PDZRN4: variants seen among roughly 807,000 people sequenced by gnomAD.
PDZRN4 encodes the protein PDZ domain-containing RING finger protein 4.
Under a neutral mutation model 99.0 loss-of-function variants are expected in PDZRN4, and 70 were observed. The observed-to-expected ratio is 0.71, with a 90% CI of 0.58 to 0.86. PDZRN4 has a LOEUF of 0.86. PDZRN4 is among the 40% of genes least tolerant of loss of function. The pLI is 0.00. For missense variants in PDZRN4, 1,474 were observed against 1,331.2 expected (o/e 1.11, Z -1.67); for synonymous variants, 551 against 501.6 (o/e 1.10, Z -1.32).
In PDZRN4 at chr12:41,558,190, C is replaced by T. The variant is rs1939201150; in HGVS notation, c.1365+2430C>T. Among the ~76,000 whole-genome samples, 3 of 152,270 alleles carry T rather than the reference C, an allele frequency of 2.0e-5. No individual in the cohort carries two copies. In the South Asian group the frequency reaches 6.2e-4, roughly 32 times the overall value. On this transcript the variant is annotated intron_variant, in intron 7 of 9. Coordinates refer to ENST00000402685, the MANE Select transcript of PDZRN4 (RefSeq NM_001164595.2). Reference sequence around the variant, plus strand: ...TAAAATATACTGAAAATAATGTAATCTTTTGATGCTCAGAGTCACGTTACA... The same window carrying T: ...TAAAATATACTGAAAATAATGTAATTTTTTGATGCTCAGAGTCACGTTACA...
chr12:41,466,740 A>G (rs1462394524), intron 3 of PDZRN4, among the ~76,000 whole-genome samples: 3 of 136,444 alleles, frequency 2.2e-5, no homozygotes, highest in Non-Finnish European at 4.7e-5. Context: ...CAAATCCTTT[A>G]TATTTCCAGT....
At chr12:41,501,512 A>G (rs978788471) in intron 3 of PDZRN4, among the ~76,000 whole-genome samples, 1 of 152,154 alleles carries the variant, frequency 6.6e-6, no homozygotes, top group African/African-American at 2.4e-5. Flanking sequence ...GCTTCATCAA[A>G]TATTACCATG....
rs75948820 is a variant in PDZRN4 at position 41,310,469 on chromosome 12, G to C, written c.843+116281G>C. On this transcript the variant is annotated intron_variant, in intron 3 of 9. Transcript: ENST00000402685. ...CAGTATTAAAGAGCTCTATTCAGTT[G>C]CTCTTAACCCTTCCACACTTGCGAA... is the stretch of plus-strand genomic sequence containing the variant. 4.1e-3 allele frequency among the ~76,000 whole-genome samples: 617 copies of C among 151,700 alleles called. 2 individuals are homozygous for C. Among genetic ancestry groups the C allele is most frequent in the African/African-American group, 0.011 (447 of 41,364 alleles).
rs1388459517 is a variant in PDZRN4 at position 41,506,538 on chromosome 12, A to G, written c.926A>G (p.Gln309Arg). The G allele has an allele frequency of 6.2e-7, 1 of 1,613,826 alleles. No homozygotes were observed. Among genetic ancestry groups the G allele is most frequent in the East Asian group, 2.2e-5 (1 of 44,834 alleles). Residue 309 changes from glutamine to arginine, a missense_variant, in exon 4 of 10, where the codon CAG becomes CGG. Gln to Arg is a conservative substitution (Grantham distance 43). Transcript: ENST00000402685. ...FRNAKEPIVV[Q>R]VLRRTPLSRP... ...AATGCCAAGGAGCCCATTGTGGTGC[A>G]GGTGTTAAGGCGAACACCTCTTAGT... is the stretch of plus-strand genomic sequence containing the variant.
chr12:41,387,971 G>A (rs1327243144), intron 3 of PDZRN4, among the ~76,000 whole-genome samples: 1 of 152,142 alleles, frequency 6.6e-6, no homozygotes, highest in Non-Finnish European at 1.5e-5. Context: ...ATAGATGCAT[G>A]CATATGTTCC....
chr12:41,532,765 G>C (rs1673700040), intron 5 of PDZRN4, among the ~76,000 whole-genome samples: 1 of 152,030 alleles, frequency 6.6e-6, no homozygotes, highest in Non-Finnish European at 1.5e-5. Flanking sequence ...TATATAAAAA[G>C]GGAATATTTA....
intron 3 of PDZRN4, among the ~76,000 whole-genome samples, chr12:41,288,892 A>G (rs12320153): frequency 0.056 from 8,585 of 152,182 alleles, 267 homozygotes; most frequent in Non-Finnish European, 0.062. Flanking sequence ...CAGCAGGCAT[A>G]ATGGTTTATA....
intron 3 of PDZRN4, among the ~76,000 whole-genome samples, chr12:41,202,808 C>T (rs1467879735): frequency 6.6e-6 from 1 of 151,894 alleles, no homozygotes; most frequent in Non-Finnish European, 1.5e-5. Flanking sequence ...ATTGACTATG[C>T]TGCTTAGATA....
intron 3 of PDZRN4, among the ~76,000 whole-genome samples, chr12:41,217,944 C>T (rs1003355295): frequency 6.6e-6 from 1 of 152,028 alleles, no homozygotes; most frequent in Admixed American, 6.6e-5. Context: ...CTGCCTTCCC[C>T]ACCAAAATGG....
At chr12:41,202,084 G>A (rs1016053516) in intron 3 of PDZRN4, among the ~76,000 whole-genome samples, 2 of 152,130 alleles carry the variant, frequency 1.3e-5, no homozygotes, top group Admixed American at 1.3e-4. Context: ...ATTGATTGCA[G>A]AGGAACTAAA....
At chr12:41,382,207 A>G (rs1368800784) in intron 3 of PDZRN4, among the ~76,000 whole-genome samples, 1 of 152,176 alleles carries the variant, frequency 6.6e-6, no homozygotes, top group Non-Finnish European at 1.5e-5. Context: ...TGTGCTCCCC[A>G]GCCAAGTAGT....
At chr12:41,435,341 G>T (rs183658575) in intron 3 of PDZRN4, among the ~76,000 whole-genome samples, 154 of 152,256 alleles carry the variant, frequency 1.0e-3, no homozygotes, top group African/African-American at 3.6e-3. Flanking sequence ...GCTCCAATAA[G>T]AAGCAGTTTT....
intron 3 of PDZRN4, among the ~76,000 whole-genome samples, chr12:41,386,489 G>A (rs985161397): frequency 2.0e-5 from 3 of 152,062 alleles, no homozygotes; most frequent in African/African-American, 7.2e-5. Context: ...CAAACAAATT[G>A]AAAAACATTC....
At chr12:41,474,734 G>A (rs536993035) in intron 3 of PDZRN4, among the ~76,000 whole-genome samples, 1 of 152,134 alleles carries the variant, frequency 6.6e-6, no homozygotes, top group Non-Finnish European at 1.5e-5. Context: ...AGATGACTGA[G>A]GCCTGGATTA....
intron 3 of PDZRN4, among the ~76,000 whole-genome samples, chr12:41,392,535 T>C (rs1331111725): frequency 6.6e-6 from 1 of 152,142 alleles, no homozygotes; most frequent in Non-Finnish European, 1.5e-5. Context: ...ATTACCAGAG[T>C]ATGATATGTG....
intron 5 of PDZRN4, among the ~76,000 whole-genome samples, chr12:41,511,306 G>A (rs1322183883): frequency 1.3e-5 from 2 of 151,912 alleles, no homozygotes; most frequent in Non-Finnish European, 2.9e-5. Flanking sequence ...TTACAATACA[G>A]ACAGATTTCC....
At chr12:41,263,148 A>G (rs1951253694) in intron 3 of PDZRN4, among the ~76,000 whole-genome samples, 1 of 152,220 alleles carries the variant, frequency 6.6e-6, no homozygotes, top group Non-Finnish European at 1.5e-5. Context: ...ACGTACATGT[A>G]TCAATGAGAC....
At chr12:41,304,874 A>G (rs147040709) in intron 3 of PDZRN4, among the ~76,000 whole-genome samples, 1 of 152,340 alleles carries the variant, frequency 6.6e-6, no homozygotes, top group Non-Finnish European at 1.5e-5. Context: ...TAAACATACT[A>G]CATAACTGCA....
intron 3 of PDZRN4, among the ~76,000 whole-genome samples, chr12:41,356,270 A>G (rs1339891479): frequency 6.6e-6 from 1 of 152,048 alleles, no homozygotes; most frequent in African/African-American, 2.4e-5. Context: ...GTTTGAATTA[A>G]TGGAGATTGG....
Sources: allele counts gnomAD v4.1 joint callset (sites outside exome capture counted in the v4.1 genomes callset), GRCh38; gene constraint gnomAD v4.1.1; transcripts MANE v1.5; gene names NCBI Gene and HGNC (gene_info 2026-07-23, HGNC 2026-07-21).